NRG3: variants seen among roughly 807,000 people sequenced by gnomAD.
The protein encoded by NRG3 is pro-neuregulin-3, membrane-bound isoform.
NRG3 carries 31 observed loss-of-function variants against 66.9 expected under a neutral mutation model. The ratio of observed to expected loss-of-function variants is 0.46; its 90% CI spans 0.35 to 0.63. The LOEUF (loss-of-function observed/expected upper bound fraction) is 0.63, where lower values mean the gene tolerates loss of function less well. NRG3 is among the 20% of genes least tolerant of loss of function. NRG3 has a pLI of 0.00. For synonymous variants in NRG3, 393 were observed against 359.4 expected (o/e 1.09, Z -1.06); for missense variants, 910 against 878.9 (o/e 1.04, Z -0.45).
At chr10:82,000,497 C>A (rs746035782) in intron 1 of NRG3, among the ~76,000 whole-genome samples, 6 of 152,152 alleles carry the variant, frequency 3.9e-5, no homozygotes, top group African/African-American at 7.2e-5. Flanking sequence ...AGACTGGAAG[C>A]AGGGTCATGT....
chr10:82,682,663 G>C (rs1234680755), intron 2 of NRG3, among the ~76,000 whole-genome samples: 1 of 152,056 alleles, frequency 6.6e-6, no homozygotes, highest in Admixed American at 6.5e-5. Flanking sequence ...CTGAAGATCC[G>C]AACATCTCTT....
At chr10:81,966,885 ACAT>A (rs1371666067) in intron 1 of NRG3, among the ~76,000 whole-genome samples, 28 of 152,128 alleles carry the variant, frequency 1.8e-4, no homozygotes, top group Non-Finnish European at 3.7e-4. Flanking sequence ...CATATATGTG[ACAT>A]CATTAATAAA....
At chr10:82,298,414 T>G (rs141095716) in intron 1 of NRG3, among the ~76,000 whole-genome samples, 1 of 152,328 alleles carries the variant, frequency 6.6e-6, no homozygotes, top group East Asian at 1.9e-4. Context: ...TGTTAACATT[T>G]AGCTTTTAAA....
chr10:82,128,498 G>A (rs1041766977), intron 1 of NRG3, among the ~76,000 whole-genome samples: 2 of 152,016 alleles, frequency 1.3e-5, no homozygotes, highest in Non-Finnish European at 2.9e-5. Flanking sequence ...AAACCATTTA[G>A]AGGTTAGATT....
At chr10:82,469,172 A>C (rs567539964) in intron 2 of NRG3, among the ~76,000 whole-genome samples, 1 of 152,142 alleles carries the variant, frequency 6.6e-6, no homozygotes, top group Non-Finnish European at 1.5e-5. Context: ...GAAAAGACAC[A>C]TGTTTATTGC....
At chr10:82,103,810 T>C (rs1410424324) in intron 1 of NRG3, among the ~76,000 whole-genome samples, 3 of 151,940 alleles carry the variant, frequency 2.0e-5, no homozygotes, top group African/African-American at 7.3e-5. Context: ...GCCACTACCA[T>C]TATCATCACA....
intron 1 of NRG3, among the ~76,000 whole-genome samples, chr10:82,052,921 C>T (rs1224537082): frequency 6.6e-6 from 1 of 151,982 alleles, no homozygotes; most frequent in Non-Finnish European, 1.5e-5. Context: ...TGCAACTACA[C>T]AAGAAAATAT....
intron 1 of NRG3, among the ~76,000 whole-genome samples, chr10:82,135,065 G>T (rs1454087882): frequency 1.3e-5 from 2 of 150,922 alleles, no homozygotes; most frequent in East Asian, 2.0e-4. Context: ...GGTGGAGGTT[G>T]CAGTGAGCCG....
chr10:81,999,336 C>T (rs894879581), intron 1 of NRG3, among the ~76,000 whole-genome samples: 2 of 152,086 alleles, frequency 1.3e-5, no homozygotes, highest in Non-Finnish European at 2.9e-5. Context: ...TAAAACTTAT[C>T]CCAAAATCAT....
chr10:82,185,414 C>A lies in NRG3; in HGVS notation c.824-173325C>A, dbSNP rs615793. On this transcript the variant is annotated intron_variant, in intron 1 of 8. Coordinates refer to ENST00000372141, the MANE Select transcript of NRG3 (RefSeq NM_001010848.4). ...TGTTTTTCCATCTCTGAGCTTTATT[C>A]TGGGGTCAAATTAAAGCTTATTTTG... 3.8e-3 allele frequency among the ~76,000 whole-genome samples: 581 copies of A among 152,182 alleles called. 2 individuals are homozygous for A. Among genetic ancestry groups the A allele is most frequent in the Middle Eastern group, 0.01 (3 of 294 alleles).
At position 82,674,540 on chromosome 10, in the gene NRG3, A is replaced by C. The variant is rs540502191; in HGVS notation, c.954-64037A>C. Reference sequence around the variant, plus strand: ...GTATCATCTTCTCTAGACTTTTAATAAGTAATTGAATATAGTCCCCTTTAT... The same window carrying C: ...GTATCATCTTCTCTAGACTTTTAATCAGTAATTGAATATAGTCCCCTTTAT... On this transcript the variant is annotated intron_variant, in intron 2 of 8. Coordinates refer to ENST00000372141, the MANE Select transcript of NRG3 (RefSeq NM_001010848.4). Among the ~76,000 whole-genome samples the C allele has an allele frequency of 3.3e-5, 5 of 152,254 alleles. No individual in the cohort carries two copies. In the East Asian group the frequency reaches 5.8e-4, roughly 18 times the overall value.
chr10:82,225,904 C>T (rs185261428), intron 1 of NRG3, among the ~76,000 whole-genome samples: 1 of 152,240 alleles, frequency 6.6e-6, no homozygotes, highest in Admixed American at 6.5e-5. Context: ...TGGCATATTT[C>T]TGTCATAATG....
rs945314805 is a variant in NRG3, at chr10:82,865,298, T to C, written c.1028-113T>C. ...CAAACATAGGGGTTAAAATTGAGGC[T>C]GTGCCTTGCCTTGGAGGGTTAGTCT... On this transcript the variant is annotated intron_variant, in intron 3 of 8. Transcript: ENST00000372141. 3.0e-6 allele frequency: 3 copies of C among 1,004,768 alleles called. No individual in the cohort carries two copies. In the African/African-American group the frequency reaches 4.8e-5, roughly 16 times the overall value. 62.2% of individuals were successfully genotyped at this position (1,004,768 alleles called of 1,614,324 possible).
intron 3 of NRG3, among the ~76,000 whole-genome samples, chr10:82,765,837 C>G (rs980984227): frequency 2.0e-5 from 3 of 152,080 alleles, no homozygotes; most frequent in African/African-American, 7.2e-5. Context: ...TCTATATGAA[C>G]ATGATTTTTT....
intron 5 of NRG3, among the ~76,000 whole-genome samples, chr10:82,958,383 G>A (rs1349556421): frequency 6.6e-6 from 1 of 152,158 alleles, no homozygotes; most frequent in Non-Finnish European, 1.5e-5. Flanking sequence ...ACCATGTGTG[G>A]CACATTACTG....
intron 1 of NRG3, among the ~76,000 whole-genome samples, chr10:82,080,410 A>G (rs1406594902): frequency 1.3e-5 from 2 of 152,124 alleles, no homozygotes; most frequent in East Asian, 1.9e-4. Context: ...CTATATTATT[A>G]TAGATAGATT....
At chr10:82,434,823 G>A (rs1047155552) in intron 2 of NRG3, among the ~76,000 whole-genome samples, 1 of 152,098 alleles carries the variant, frequency 6.6e-6, no homozygotes, top group African/African-American at 2.4e-5. Context: ...TAAGTTGTTT[G>A]ATGTTCTGCT....
At chr10:82,763,635 A>T in intron 3 of NRG3, among the ~76,000 whole-genome samples, 1 of 152,094 alleles carries the variant, frequency 6.6e-6, no homozygotes, top group East Asian at 1.9e-4. Flanking sequence ...CCCAAGATAA[A>T]TGAGAAACAA....
At chr10:82,954,802 G>A (rs1849875417) in intron 5 of NRG3, among the ~76,000 whole-genome samples, 1 of 50,936 alleles carries the variant, frequency 2.0e-5, no homozygotes, top group East Asian at 4.0e-4. Flanking sequence ...GGCACAAGTT[G>A]TGTGTGTGTG....
Sources: allele counts gnomAD v4.1 joint callset (sites outside exome capture counted in the v4.1 genomes callset), GRCh38; gene constraint gnomAD v4.1.1; transcripts MANE v1.5; gene names NCBI Gene and HGNC (gene_info 2026-07-23, HGNC 2026-07-21).